The following PTPRM variants were observed in gnomAD, a reference collection of about 807,000 sequenced individuals.
PTPRM encodes receptor-type tyrosine-protein phosphatase mu.
In PTPRM, 47 loss-of-function variants were observed where a neutral mutation model predicts 186.7. The ratio of observed to expected loss-of-function variants is 0.25; its 90% confidence interval spans 0.20 to 0.32. The LOEUF is 0.32. Ranked by LOEUF, PTPRM falls within the 10% of genes least tolerant of loss-of-function variation. The pLI is 1.00. For missense variants in PTPRM, 1,494 were observed against 1,865.0 expected, an observed-to-expected ratio of 0.80 and a Z score of 3.66; for synonymous variants, 668 against 674.9, an observed-to-expected ratio of 0.99 and a Z score of 0.16.
chr18:7,649,137 G>T (rs571025595), intron 1 of PTPRM, among the ~76,000 whole-genome samples: 1 of 152,154 alleles, frequency 6.6e-6, no homozygotes, highest in Admixed American at 6.5e-5. Context: ...GAACAACAAA[G>T]CCTGGATGAC....
At chr18:8,240,503 A>AAGGG in intron 14 of PTPRM, among the ~76,000 whole-genome samples, 1 of 32,430 alleles carries the variant, frequency 3.1e-5, no homozygotes, top group East Asian at 9.9e-4. Flanking sequence ...GAGAGAGAGG[A>AAGGG]AGGAAGGAAG....
chr18:8,399,145 T>C (rs375381285), intron 32 of PTPRM, among the ~76,000 whole-genome samples: 34 of 152,194 alleles, frequency 2.2e-4, no homozygotes, highest in Admixed American at 2.0e-4. Context: ...AGGAGGCTGC[T>C]TTATAGGCAG....
At chr18:7,809,594 G>A (rs1054544888) in intron 2 of PTPRM, among the ~76,000 whole-genome samples, 1 of 152,136 alleles carries the variant, frequency 6.6e-6, no homozygotes, top group African/African-American at 2.4e-5. Flanking sequence ...TGCCCCTCCT[G>A]TGTTACCATG....
intron 9 of PTPRM, among the ~76,000 whole-genome samples, chr18:8,084,685 G>T (rs1402217330): frequency 6.6e-6 from 1 of 152,092 alleles, no homozygotes; most frequent in Non-Finnish European, 1.5e-5. Flanking sequence ...TTAAAAGCAA[G>T]AAAAGTGCTC....
At chr18:7,726,288 C>T (rs2040548436) in intron 1 of PTPRM, among the ~76,000 whole-genome samples, 1 of 152,108 alleles carries the variant, frequency 6.6e-6, no homozygotes, top group Non-Finnish European at 1.5e-5. Context: ...TACATATCTT[C>T]TTTCAAAAAC....
intron 1 of PTPRM, among the ~76,000 whole-genome samples, chr18:7,595,834 T>C (rs2037243584): frequency 6.6e-6 from 1 of 152,352 alleles, no homozygotes; most frequent in South Asian, 2.1e-4. Flanking sequence ...GGCTTGCCTG[T>C]CTGATTATTT....
intron 22 of PTPRM, among the ~76,000 whole-genome samples, chr18:8,321,677 G>A (rs908953542): frequency 6.6e-6 from 1 of 152,180 alleles, no homozygotes; most frequent in African/African-American, 2.4e-5. Flanking sequence ...GCCTTTCCCT[G>A]GTACAAGGTG....
rs541970868 is a variant in PTPRM, at chr18:8,312,209, T to C, written c.2843-2572T>C. On this transcript the variant is annotated intron_variant, in intron 20 of 32. Transcript: ENST00000580170. ...GGCATTGCCGGTGCTTGTGGCACCC[T>C]TCTGTGCAGTAGTTGCATGTAGGCA... Among the ~76,000 whole-genome samples the C allele has an allele frequency of 5.9e-5, 9 of 152,278 alleles. No homozygotes were observed. In the South Asian group the frequency reaches 1.9e-3, roughly 32 times the overall value.
At chr18:7,667,997 G>T (rs2039135701) in intron 1 of PTPRM, among the ~76,000 whole-genome samples, 3 of 152,092 alleles carry the variant, frequency 2.0e-5, no homozygotes, top group African/African-American at 7.2e-5. Context: ...TCGAAGGGCA[G>T]TCCACCTACG....
chr18:7,716,877 A>G (rs677083), intron 1 of PTPRM, among the ~76,000 whole-genome samples: 96,926 of 152,062 alleles, frequency 0.64, 32,789 homozygotes, highest in East Asian at 0.99. Flanking sequence ...TACACTGTTG[A>G]TGGAGTGTAA....
Position 7,790,538 on chromosome 18 carries a change from T to C in PTPRM, c.196+16267T>C, listed in dbSNP as rs538855188. Among the ~76,000 whole-genome samples the C allele has an allele frequency of 7.2e-5, 11 of 152,342 alleles. No individual in the cohort carries two copies. The East Asian group carries it at 1.9e-3, about 27-fold the overall frequency. On this transcript the variant is annotated intron_variant, in intron 2 of 32. Transcript: ENST00000580170. Reference sequence around the variant, plus strand: ...AAAGAGGAAGGGATTATTAACAGTCTTATTTTGAAAGGGTCTTCTGATTCA... The same window carrying C: ...AAAGAGGAAGGGATTATTAACAGTCCTATTTTGAAAGGGTCTTCTGATTCA...
chr18:8,265,903 T>G (rs1270383876), intron 19 of PTPRM, among the ~76,000 whole-genome samples: 2 of 152,134 alleles, frequency 1.3e-5, no homozygotes, highest in Non-Finnish European at 2.9e-5. Context: ...ATGGGCGTAT[T>G]CTCATGGATG....
At chr18:7,602,441 T>A (rs2143758506) in intron 1 of PTPRM, among the ~76,000 whole-genome samples, 1 of 152,108 alleles carries the variant, frequency 6.6e-6, no homozygotes, top group Non-Finnish European at 1.5e-5. Context: ...TTTTTTTTTT[T>A]TTTTGAGACA....
chr18:7,640,779 G>A (rs941369802), intron 1 of PTPRM, among the ~76,000 whole-genome samples: 1 of 152,138 alleles, frequency 6.6e-6, no homozygotes, highest in African/African-American at 2.4e-5. Flanking sequence ...ACCTTAATAT[G>A]TAGTAGGATA....
chr18:7,593,713 T>C (rs569944896), intron 1 of PTPRM, among the ~76,000 whole-genome samples: 2 of 152,190 alleles, frequency 1.3e-5, no homozygotes, highest in East Asian at 1.9e-4. Flanking sequence ...AAATGGGCAT[T>C]GCAGGAATTT....
intron 2 of PTPRM, among the ~76,000 whole-genome samples, chr18:7,813,609 T>A (rs1598847117): frequency 1.3e-5 from 2 of 152,326 alleles, no homozygotes; most frequent in South Asian, 2.1e-4. Context: ...CCTTCAACTC[T>A]GGGTACTTTT....
chr18:8,301,769 G>A (rs2095160313), intron 20 of PTPRM, among the ~76,000 whole-genome samples: 1 of 152,184 alleles, frequency 6.6e-6, no homozygotes, highest in African/African-American at 2.4e-5. Flanking sequence ...CTGAGTGCAG[G>A]GTGTCAACAC....
At chr18:7,836,753 C>G (rs1299635129) in intron 2 of PTPRM, among the ~76,000 whole-genome samples, 1 of 152,116 alleles carries the variant, frequency 6.6e-6, no homozygotes, top group African/African-American at 2.4e-5. Context: ...ATATTTTTTT[C>G]CAGACATATT....
rs1203924955 is a variant in PTPRM, at chr18:8,387,150, C to T, written c.4123C>T (p.Arg1375Cys). The change falls in exon 31 of 33, where the codon CGC (arginine) becomes TGC (cysteine). Residue 1375 changes from arginine to cysteine, a missense_variant. By Grantham distance (180) the Arg-to-Cys change is radical (BLOSUM62 -3). Around this residue, in one of 3 missense-constraint regions of PTPRM, gnomAD observed 1,107 missense variants for 1,350.2 expected, o/e 0.82. Coordinates refer to ENST00000580170, the MANE Select transcript of PTPRM (RefSeq NM_001105244.2). ...GTACAGGGACACACCAGTGTCTAAG[C>T]GCTCCTTCTTGAAGCTCATTCGCCA... ...PMYRDTPVSK[R>C]SFLKLIRQVD... 9 of 1,612,502 alleles carry T rather than the reference C, an allele frequency of 5.6e-6. No homozygotes were observed. The highest frequency in any genetic ancestry group is 2.2e-5 in the East Asian group (1 of 44,864).
Sources: gnomAD v4.1 joint callset for allele counts (sites outside exome capture counted in the v4.1 genomes callset) on GRCh38, gnomAD v4.1.1 for gene constraint, gnomAD v4.1.1 regional missense constraint, MANE v1.5 for transcripts, NCBI Gene and HGNC (gene_info 2026-07-23, HGNC 2026-07-21) for gene names.